Variants in PRMT2 observed in about 807,000 individuals in gnomAD.
PRMT2 encodes the protein protein arginine methyltransferase 2.
Under a neutral mutation model 57.6 loss-of-function variants are expected in PRMT2, and 26 were observed. The observed-to-expected ratio is 0.45, with a 90% CI of 0.33 to 0.63. The LOEUF is 0.63. Among genes scored for constraint, PRMT2 ranks in the 20% least tolerant of loss-of-function variants. The pLI is 0.02. For synonymous variants in PRMT2, 219 were observed against 220.0 expected (o/e 1.00, Z 0.04); for missense variants, 472 against 564.4 (o/e 0.84, Z 1.66).
rs1464688934 is a variant in PRMT2, at chr21:46,660,870, T to A, written c.868T>A (p.Tyr290Asn). Reference sequence around the variant, plus strand: ...TAAGGAGTTTTTTTCAAAGCCCAAGTATAACCACATTTTGAAACCAGAAGA... The same window carrying A: ...TAAGGAGTTTTTTTCAAAGCCCAAGAATAACCACATTTTGAAACCAGAAGA... The part of the protein sequence containing the change: ...AVKEFFSKPK[Y>N]NHILKPEDCL... The change falls in exon 9 of 12, where the codon TAT becomes AAT. Residue 290 changes from tyrosine (Y) to asparagine (N), a missense_variant. Physicochemically the swap from Tyr to Asn is moderately radical, Grantham distance 143 (BLOSUM62 -2). Transcript: ENST00000355680. The A allele has an allele frequency of 6.2e-7, 1 of 1,613,824 alleles. No homozygotes were observed.
In PRMT2 at chr21:46,664,445, C is replaced by A; in HGVS notation, c.*118C>A. 1 of 1,284,592 alleles carries A rather than the reference C, an allele frequency of 7.8e-7. No individual in the cohort carries two copies. Among genetic ancestry groups the A allele is most frequent in the Non-Finnish European group, 1.1e-6 (1 of 890,626 alleles). 79.6% of individuals were successfully genotyped at this position (1,284,592 alleles called of 1,614,324 possible). ...CGAAAGTCGGTGAACATTCACTCCA[C>A]ATTGACCCCTCCCTAGCCTGGCAGG... On this transcript the variant is annotated 3_prime_UTR_variant, in exon 12 of 12. Coordinates refer to ENST00000355680, the MANE Select transcript of PRMT2 (RefSeq NM_206962.4).
At chr21:46,660,024 A>C (rs1327835366) in intron 8 of PRMT2, 4 of 983,844 alleles carry the variant, frequency 4.1e-6, no homozygotes, top group South Asian at 4.7e-5. Flanking sequence ...CATATGGGGA[A>C]TTTAAGCTTT....
intron 8 of PRMT2, chr21:46,659,508 G>C: frequency 1.0e-6 from 1 of 977,850 alleles, no homozygotes; most frequent in Non-Finnish European, 1.2e-6. Context: ...CCAATCATGT[G>C]AACAGGCAAA....
At position 46,660,888 on chromosome 21, in the gene PRMT2, C is replaced by G. The variant is rs1323237346; in HGVS notation, c.886C>G (p.Pro296Ala). The G allele has an allele frequency of 6.2e-7, 1 of 1,612,988 alleles. No individual in the cohort carries two copies. Among genetic ancestry groups the G allele is most frequent in the Non-Finnish European group, 8.5e-7 (1 of 1,179,186 alleles). Residue 296 changes from proline (P) to alanine (A), a missense_variant, in exon 9 of 12, where the codon CCA becomes GCA. Coordinates refer to ENST00000355680, the MANE Select transcript of PRMT2 (RefSeq NM_206962.4). The part of the protein sequence containing the change: ...SKPKYNHILK[P>A]EDCLSEPCTI... ...GCCCAAGTATAACCACATTTTGAAA[C>G]CAGAAGACTGTCTCTCTGAACCGTG...
At chr21:46,651,454 G>A (rs955115205) in intron 7 of PRMT2, among the ~76,000 whole-genome samples, 3 of 152,064 alleles carry the variant, frequency 2.0e-5, no homozygotes, top group African/African-American at 7.2e-5. Flanking sequence ...CTGGGGTCTC[G>A]GTGGGCGATG....
Position 46,651,758 on chromosome 21 carries a change from C to A in PRMT2, c.654+2019C>A, listed in dbSNP as rs1346067460. 3 of 1,600,948 alleles carry A rather than the reference C, an allele frequency of 1.9e-6. No individual in the cohort carries two copies. The South Asian group carries it at 3.3e-5, about 18-fold the overall frequency. ...GATTTGAGGGAGGGAGGGTATGAAT[C>A]TGGGAGTCGTTGGTGCGGTTGTACC... is the stretch of plus-strand genomic sequence containing the variant. On this transcript the variant is annotated intron_variant, in intron 7 of 11. Coordinates refer to ENST00000355680, the MANE Select transcript of PRMT2 (RefSeq NM_206962.4).
At position 46,649,137 on chromosome 21, in the gene PRMT2, A is replaced by T. The variant is rs952386422; in HGVS notation, c.490-438A>T. Reference sequence around the variant, plus strand: ...GTGTCCACCCAAGTCCAGGCTCTGCAGGACCCAGGACCCAGCGCTTGGGTG... The same window carrying T: ...GTGTCCACCCAAGTCCAGGCTCTGCTGGACCCAGGACCCAGCGCTTGGGTG... On this transcript the variant is annotated intron_variant, in intron 6 of 11. Coordinates refer to ENST00000355680, the MANE Select transcript of PRMT2 (RefSeq NM_206962.4). This position sits in a 1 kb window ranked among gnomAD's most constrained non-coding sequence, Gnocchi z 4.8. 6.6e-6 allele frequency among the ~76,000 whole-genome samples: 1 copy of T among 152,194 alleles called. No individual in the cohort carries two copies. Among genetic ancestry groups the T allele is most frequent in the African/African-American group, 2.4e-5 (1 of 41,456 alleles).
At chr21:46,651,272 G>C (rs550181704) in intron 7 of PRMT2, among the ~76,000 whole-genome samples, 2 of 152,194 alleles carry the variant, frequency 1.3e-5, no homozygotes, top group African/African-American at 4.8e-5. Flanking sequence ...GGGGCCTGGC[G>C]TGAGCAGGAC....
rs753829053 is a variant in PRMT2 at position 46,661,811 on chromosome 21, C to G, written c.972C>G (p.Gly324=). The G allele has an allele frequency of 8.3e-6, 12 of 1,450,440 alleles. No homozygotes were observed. In the African/African-American group the frequency reaches 1.6e-4, roughly 19 times the overall value. The allele number at this position is 1,450,440 out of a possible 1,614,324, so 89.8% of individuals were successfully genotyped here. Residue 324 remains glycine (G), a synonymous_variant, in exon 10 of 12, where the codon GGC becomes GGG. Coordinates refer to ENST00000355680, the MANE Select transcript of PRMT2 (RefSeq NM_206962.4). ...VQISDLETLR[G]ELRFDIRKAG... Reference sequence around the variant, plus strand: ...TCTGCTTGACCCAGACCCTGAGGGGCGAGCTGCGCTTCGACATCAGGAAGG... The same window carrying G: ...TCTGCTTGACCCAGACCCTGAGGGGGGAGCTGCGCTTCGACATCAGGAAGG...
In PRMT2 at chr21:46,649,613, G is replaced by T. The variant is rs771013073; in HGVS notation, c.528G>T (p.Thr176=). The T allele has an allele frequency of 1.9e-6, 3 of 1,614,128 alleles. No homozygotes were observed. Among genetic ancestry groups the T allele is most frequent in the Non-Finnish European group, 2.5e-6 (3 of 1,180,042 alleles). ...AVEASEMAQH[T]GQLVLQNGFA... Reference sequence around the variant, plus strand: ...AGGCCAGTGAGATGGCACAGCACACGGGGCAGCTGGTCCTGCAGAACGGCT... The same window carrying T: ...AGGCCAGTGAGATGGCACAGCACACTGGGCAGCTGGTCCTGCAGAACGGCT... The change falls in exon 7 of 12, where the codon ACG becomes ACT. Residue 176 remains threonine (T), a synonymous_variant. Transcript: ENST00000355680. This position sits in a 1 kb window ranked among gnomAD's most constrained non-coding sequence, Gnocchi z 4.8.
Position 46,658,777 on chromosome 21 carries a change from C to T in PRMT2, c.687C>T (p.Ala229=), listed in dbSNP as rs746137794. ...FEFMIESILY[A]RDAWLKEDGV... ...TCATGATCGAGTCCATCCTGTATGC[C>T]CGGGATGCCTGGCTGAAGGAGGACG... Residue 229 remains alanine (A), a synonymous_variant, in exon 8 of 12, where the codon GCC becomes GCT. Coordinates refer to ENST00000355680, the MANE Select transcript of PRMT2 (RefSeq NM_206962.4). 1 of 1,614,176 alleles carries T rather than the reference C, an allele frequency of 6.2e-7. No homozygotes were observed. The highest frequency in any genetic ancestry group is 8.5e-7 in the Non-Finnish European group (1 of 1,180,028).
chr21:46,660,771 G>T, intron 8 of PRMT2, 62 bp from the exon 9 acceptor site: 1 of 1,590,812 alleles, frequency 6.3e-7, no homozygotes, highest in Non-Finnish European at 8.6e-7. Flanking sequence ...TCCCACGTGT[G>T]TGTTTTGAAG....
At chr21:46,643,139 T>C (rs985507327) in intron 3 of PRMT2, 1 of 154,938 alleles carries the variant, frequency 6.5e-6, no homozygotes, top group African/African-American at 2.4e-5. Flanking sequence ...ATCAGCTCTT[T>C]CCACAGGCCC....
At chr21:46,651,514 G>A (rs1383635050) in intron 7 of PRMT2, among the ~76,000 whole-genome samples, 2 of 152,118 alleles carry the variant, frequency 1.3e-5, no homozygotes, top group Non-Finnish European at 2.9e-5. Context: ...GCTGGGGTGA[G>A]TCAGACAGGA....
At chr21:46,662,017 G>GGGGGTGGGGCGCGCAGGAC (rs2061634807) in intron 10 of PRMT2, 81 bp downstream of exon 10, 1 of 376,514 alleles carries the variant, frequency 2.7e-6, no homozygotes, top group East Asian at 6.4e-5. Context: ...GCGCGCAGGA[G>GGGGGTGGGGCGCGCAGGAC]GGGGTGGGAC....
At chr21:46,653,602 GC>G in intron 7 of PRMT2, 1 of 1,148,236 alleles carries the variant, frequency 8.7e-7, no homozygotes, top group Non-Finnish European at 1.1e-6. Flanking sequence ...AGGACTTCTG[GC>G]CCCTTTGCTT....
At chr21:46,654,177 A>G in intron 7 of PRMT2, 2 of 965,574 alleles carry the variant, frequency 2.1e-6, no homozygotes, top group Non-Finnish European at 2.5e-6. Flanking sequence ...ACAGAAATTT[A>G]TGTTAAAAAA....
intron 3 of PRMT2, among the ~76,000 whole-genome samples, chr21:46,640,705 G>GTT (rs954658093): frequency 4.1e-5 from 6 of 145,580 alleles, no homozygotes; most frequent in Non-Finnish European, 7.6e-5. Flanking sequence ...GGCCTTGATG[G>GTT]TTTTTTTTTT....
At chr21:46,656,715 C>G (rs1349436570) in intron 7 of PRMT2, 1 of 152,044 alleles carries the variant, frequency 6.6e-6, no homozygotes, top group South Asian at 2.1e-4. Flanking sequence ...AAATGTAAAA[C>G]TATAAACCTC....
Sources: allele counts gnomAD v4.1 joint callset (sites outside exome capture counted in the v4.1 genomes callset), GRCh38; gene constraint gnomAD v4.1.1; non-coding constraint Gnocchi (gnomAD v3.1); transcripts MANE v1.5; gene names NCBI Gene and HGNC (gene_info 2026-07-23, HGNC 2026-07-21).